LOC128706665: variants seen among roughly 807,000 people sequenced by gnomAD.
chr20:10,424,154 A>T, the LOC128706665 span, among the ~76,000 whole-genome samples: 1 of 152,194 alleles, frequency 6.6e-6, no homozygotes, highest in Admixed American at 6.5e-5. Context: ...CTGTACATAT[A>T]ATAGTCCCTT....
chr20:10,415,275 C>T, the LOC128706665 span, among the ~76,000 whole-genome samples: 1 of 152,132 alleles, frequency 6.6e-6, no homozygotes, highest in Non-Finnish European at 1.5e-5. Context: ...GAGCATTTAG[C>T]ATAAATGAAA....
the LOC128706665 span, among the ~76,000 whole-genome samples, chr20:10,421,913 G>A: frequency 6.6e-6 from 1 of 152,044 alleles, no homozygotes; most frequent in African/African-American, 2.4e-5. Flanking sequence ...AATAAGGACT[G>A]CTCCACCATC....
the LOC128706665 span, among the ~76,000 whole-genome samples, chr20:10,421,416 CA>C: frequency 0.1 from 8,968 of 86,070 alleles, 243 homozygotes; most frequent in Non-Finnish European, 0.14. Context: ...GACTCCATCA[CA>C]AAAAAAAAAA....
chr20:10,428,068 T>C, the LOC128706665 span, among the ~76,000 whole-genome samples: 1 of 152,258 alleles, frequency 6.6e-6, no homozygotes, highest in Admixed American at 6.5e-5. Context: ...GAAAGCATCA[T>C]AAGTCTTATA....
the LOC128706665 span, chr20:10,434,191 A>T: frequency 2.6e-5 from 4 of 152,254 alleles, no homozygotes; most frequent in Non-Finnish European, 1.5e-5. Context: ...GCTGCCGCGG[A>T]TCCCGACAAC....
chr20:10,415,124 A>ATT, the LOC128706665 span, among the ~76,000 whole-genome samples: 1 of 152,254 alleles, frequency 6.6e-6, no homozygotes, highest in South Asian at 2.1e-4. Flanking sequence ...CTTGAGGCAT[A>ATT]AATTCCTGAC....
chr20:10,414,054 A>T, the LOC128706665 span: 6 of 374,838 alleles, frequency 1.6e-5, no homozygotes, highest in East Asian at 2.3e-4. Flanking sequence ...AACTGGCACA[A>T]ACGTCCAGAA....
chr20:10,425,117 T>G, the LOC128706665 span, among the ~76,000 whole-genome samples: 1 of 151,424 alleles, frequency 6.6e-6, no homozygotes, highest in Non-Finnish European at 1.5e-5. Flanking sequence ...TATAGTATAG[T>G]ATAACCTTAC....
At chr20:10,429,324 G>C in the LOC128706665 span, among the ~76,000 whole-genome samples, 6 of 152,174 alleles carry the variant, frequency 3.9e-5, no homozygotes, top group East Asian at 1.2e-3. Flanking sequence ...TTAATAGCCT[G>C]CTGGTTTCCA....
At chr20:10,427,081 A>ACAC in the LOC128706665 span, among the ~76,000 whole-genome samples, 1 of 85,700 alleles carries the variant, frequency 1.2e-5, no homozygotes, top group East Asian at 3.4e-4. Flanking sequence ...CACACACACA[A>ACAC]AGTAAGGTTA....
At chr20:10,426,498 T>G in the LOC128706665 span, among the ~76,000 whole-genome samples, 1 of 150,134 alleles carries the variant, frequency 6.7e-6, no homozygotes, top group South Asian at 2.1e-4. Context: ...ATGCCAGATT[T>G]AAGGGATTCT....
the LOC128706665 span, among the ~76,000 whole-genome samples, chr20:10,423,378 C>T: frequency 5.3e-5 from 8 of 152,054 alleles, no homozygotes; most frequent in Non-Finnish European, 1.0e-4. Context: ...GCTGAGATAA[C>T]ACCATTGCAC....
chr20:10,416,314 T>C, the LOC128706665 span, among the ~76,000 whole-genome samples: 21 of 151,890 alleles, frequency 1.4e-4, no homozygotes, highest in Admixed American at 1.4e-3. Context: ...GCAAAAAGAA[T>C]GATTATAGGT....
At chr20:10,433,304 G>T in the LOC128706665 span, among the ~76,000 whole-genome samples, 3 of 152,132 alleles carry the variant, frequency 2.0e-5, no homozygotes, top group Admixed American at 6.5e-5. Context: ...AAACCCCGCC[G>T]CCCCAAAATA....
chr20:10,433,222 C>T, the LOC128706665 span, among the ~76,000 whole-genome samples: 1 of 152,212 alleles, frequency 6.6e-6, no homozygotes, highest in Non-Finnish European at 1.5e-5. Flanking sequence ...GCCTGGCTGG[C>T]CCCAAACTCC....
the LOC128706665 span, among the ~76,000 whole-genome samples, chr20:10,428,451 C>T: frequency 6.6e-6 from 1 of 152,334 alleles, no homozygotes; most frequent in South Asian, 2.1e-4. Flanking sequence ...ACCTTCATTT[C>T]TGCAGATAAC....
chr20:10,427,600 ACAGCAGTTTGAATTGT>A, the LOC128706665 span, among the ~76,000 whole-genome samples: 1 of 152,232 alleles, frequency 6.6e-6, no homozygotes, highest in Non-Finnish European at 1.5e-5. Context: ...AATTTTTAAT[ACAGCAGTTTGAATTGT>A]GGCATTTTTT....
At chr20:10,422,215 G>A in the LOC128706665 span, among the ~76,000 whole-genome samples, 1 of 151,800 alleles carries the variant, frequency 6.6e-6, no homozygotes, top group African/African-American at 2.4e-5. Context: ...ATTTTATAAG[G>A]ACTTTGTGGC....
chr20:10,414,265 CT>C, the LOC128706665 span, among the ~76,000 whole-genome samples: 263 of 132,268 alleles, frequency 2.0e-3, no homozygotes, highest in Middle Eastern at 3.9e-3. Flanking sequence ...GTCTCTGAGT[CT>C]TTTTTTTTTT....
Sources: allele counts gnomAD v4.1 joint callset (sites outside exome capture counted in the v4.1 genomes callset), GRCh38; gene constraint gnomAD v4.1.1; transcripts MANE v1.5.